Variants in HEPH observed in about 807,000 individuals in gnomAD.
The protein encoded by HEPH is hephaestin.
HEPH carries 69 observed loss-of-function variants against 80.8 expected under a neutral mutation model. That is an observed-to-expected ratio of 0.85 (90% CI 0.70 to 1.04). The LOEUF (loss-of-function observed/expected upper bound fraction) is 1.04. Among genes scored for constraint, HEPH ranks in the 50% least tolerant of loss-of-function variants. HEPH has a pLI of 0.00. For missense variants in HEPH, 1,115 were observed against 891.3 expected (o/e 1.25, Z -3.20); for synonymous variants, 431 against 322.8 (o/e 1.34, Z -3.60).
chrX:66,221,423 A>G (rs1389929166), intron 15 of HEPH, among the ~76,000 whole-genome samples: 4 of 112,745 alleles, frequency 3.5e-5, no homozygotes, highest in African/African-American at 1.3e-4. Context: ...TTAACCAATA[A>G]TGTCCTTTGG....
chrX:66,230,700 C>A (rs1445814892), intron 15 of HEPH, among the ~76,000 whole-genome samples: 3 of 103,776 alleles, frequency 2.9e-5, no homozygotes, highest in East Asian at 2.9e-4. Context: ...GAGTAGGTTG[C>A]GAAAATTTTC....
At chrX:66,195,381 C>T (rs1364260093) in intron 9 of HEPH, 152 bp downstream of exon 9, 1 of 356,032 alleles carries the variant, frequency 2.8e-6, no homozygotes, top group Non-Finnish European at 4.4e-6. Context: ...AATAGTAAAA[C>T]AGAGCTGGGC....
At chrX:66,255,332 A>G (rs771506996) in intron 16 of HEPH, among the ~76,000 whole-genome samples, 191 bp downstream of exon 16, 2 of 111,374 alleles carry the variant, frequency 1.8e-5, no homozygotes, top group East Asian at 5.7e-4. Flanking sequence ...GATATTTGTC[A>G]TGAAGATTTT....
intron 15 of HEPH, among the ~76,000 whole-genome samples, chrX:66,223,443 A>G (rs1226485470): frequency 9.0e-6 from 1 of 111,463 alleles, no homozygotes; most frequent in East Asian, 2.8e-4. Flanking sequence ...TTTCACCTTT[A>G]TATTAGTATA....
intron 13 of HEPH, among the ~76,000 whole-genome samples, chrX:66,203,890 C>G (rs1230278985): frequency 8.9e-6 from 1 of 112,626 alleles, no homozygotes; most frequent in African/African-American, 3.2e-5. Flanking sequence ...ATGTCTCAAG[C>G]TCAGCTGTCC....
intron 13 of HEPH, among the ~76,000 whole-genome samples, chrX:66,204,337 A>G (rs1350039368): frequency 1.8e-5 from 2 of 112,274 alleles, no homozygotes; most frequent in Non-Finnish European, 3.8e-5. Flanking sequence ...AAAAAGAAGG[A>G]GAGAACGGAA....
intron 16 of HEPH, 31 bp downstream of exon 16, chrX:66,255,172 G>A: frequency 9.9e-7 from 1 of 1,011,375 alleles, no homozygotes; most frequent in Non-Finnish European, 1.4e-6. Context: ...CTGGAGGTGG[G>A]TCAAACTCCC....
At chrX:66,241,002 G>T (rs2090553603) in intron 15 of HEPH, among the ~76,000 whole-genome samples, 1 of 111,750 alleles carries the variant, frequency 8.9e-6, no homozygotes. Flanking sequence ...AATAAGCCTG[G>T]CCAACTTGGA....
intron 15 of HEPH, among the ~76,000 whole-genome samples, chrX:66,239,957 A>C (rs1301871595): frequency 8.9e-6 from 1 of 111,746 alleles, no homozygotes; most frequent in African/African-American, 3.3e-5. Flanking sequence ...TCTTCTTCAC[A>C]ATGGCATATA....
chrX:66,165,706 G>A (rs909339771), intron 1 of HEPH, among the ~76,000 whole-genome samples: 1 of 111,615 alleles, frequency 9.0e-6, no homozygotes, highest in Non-Finnish European at 1.9e-5. Context: ...CTCCAGGTTG[G>A]CACAAGGTTT....
chrX:66,190,788 A>G (rs2087746773), intron 6 of HEPH, among the ~76,000 whole-genome samples: 1 of 111,772 alleles, frequency 8.9e-6, no homozygotes, highest in African/African-American at 3.3e-5. Flanking sequence ...TAGGTTTGAC[A>G]CAATAGGGGA....
intron 11 of HEPH, among the ~76,000 whole-genome samples, chrX:66,199,366 C>A (rs901135908): frequency 2.7e-5 from 3 of 109,761 alleles, no homozygotes; most frequent in Admixed American, 9.6e-5. Flanking sequence ...TGGGTCCCCC[C>A]CCCCCATACT....
At position 66,208,219 on chromosome X, in the gene HEPH, A is replaced by G; in HGVS notation, c.2536A>G (p.Thr846Ala). 3 of 1,208,743 alleles carry G rather than the reference A, an allele frequency of 2.5e-6. No individual in the cohort carries two copies. Among genetic ancestry groups the G allele is most frequent in the East Asian group, 3.0e-5 (1 of 33,745 alleles). ...TGCTCATGGAGTGCTAGAATCTACT[A>G]CTGTCTGGCCACTGGCTGCTGAGCC... is the stretch of plus-strand genomic sequence containing the variant. ...VHAHGVLEST[T>A]VWPLAAEPGE... The change falls in exon 15 of 21, where the codon ACT becomes GCT. Residue 846 changes from threonine (T) to alanine (A), a missense_variant. Physicochemically the swap from Thr to Ala is moderately conservative, Grantham distance 58 (BLOSUM62 0). This residue lies in a region of HEPH where 716 missense variants were observed against 523.5 expected (regional missense o/e 1.37). Transcript: ENST00000343002.
intron 19 of HEPH, among the ~76,000 whole-genome samples, chrX:66,261,538 GTT>G (rs5902598): frequency 0.023 from 2,145 of 91,577 alleles, 21 homozygotes; most frequent in East Asian, 0.073. Flanking sequence ...TCAAGGCTGT[GTT>G]TTTTTTTTTT....
chrX:66,252,668 A>G (rs1454969972), intron 15 of HEPH, among the ~76,000 whole-genome samples: 1 of 112,351 alleles, frequency 8.9e-6, no homozygotes, highest in African/African-American at 3.2e-5. Context: ...AAAAAGAACA[A>G]CAAAGTTGGA....
In HEPH at chrX:66,224,193, A is replaced by G. The variant is rs745945000; in HGVS notation, c.2563+15947A>G. 4.5e-5 allele frequency among the ~76,000 whole-genome samples: 5 copies of G among 110,738 alleles called. No individual in the cohort carries two copies. In the Admixed American group the frequency reaches 4.8e-4, roughly 11 times the overall value. On this transcript the variant is annotated intron_variant, in intron 15 of 20. Transcript: ENST00000343002. ...ACAAGATTAGAAATTACTATAATAT[A>G]TGTTATATTGTTAACTTTTAGCAAA...
chrX:66,230,603 G>C (rs1335920835), intron 15 of HEPH, among the ~76,000 whole-genome samples: 4 of 96,987 alleles, frequency 4.1e-5, no homozygotes, highest in African/African-American at 1.6e-4. Flanking sequence ...CATGTCCTTC[G>C]CCCACTTTTT....
intron 15 of HEPH, among the ~76,000 whole-genome samples, chrX:66,209,111 TGAA>T (rs2088972333): frequency 8.9e-6 from 1 of 112,062 alleles, no homozygotes; most frequent in East Asian, 2.8e-4. Context: ...GCTCCTGTCT[TGAA>T]GAAACTTGAG....
intron 15 of HEPH, among the ~76,000 whole-genome samples, chrX:66,233,746 A>C (rs376039092): frequency 9.0e-6 from 1 of 110,565 alleles, no homozygotes; most frequent in African/African-American, 3.3e-5. Flanking sequence ...AATTGAATAT[A>C]TACATTTCCA....
Sources: allele counts gnomAD v4.1 joint callset (sites outside exome capture counted in the v4.1 genomes callset), GRCh38; gene constraint gnomAD v4.1.1; regional missense constraint gnomAD v4.1.1; transcripts MANE v1.5; gene names NCBI Gene and HGNC (gene_info 2026-07-23, HGNC 2026-07-21).